MLH3: variants seen among roughly 807,000 people sequenced by gnomAD.
MLH3 encodes mutL homolog 3, also known as DNA mismatch repair protein Mlh3.
A neutral mutation model predicts 122.2 loss-of-function variants in MLH3; 82 were observed. The observed-to-expected ratio is 0.67, with a 90% CI of 0.56 to 0.81. The LOEUF is 0.81. Among genes scored for constraint, MLH3 ranks in the 30% least tolerant of loss-of-function variants. MLH3 has a pLI of 0.00. For synonymous variants in MLH3, 524 were observed against 599.5 expected (o/e 0.87, Z 1.84); for missense variants, 1,539 against 1,714.5 (o/e 0.90, Z 1.81).
intron 7 of MLH3, among the ~76,000 whole-genome samples, chr14:75,033,202 T>C (rs190221007): frequency 1.5e-3 from 231 of 152,244 alleles, no homozygotes; most frequent in African/African-American, 5.3e-3. Flanking sequence ...CTGGCAAATA[T>C]GCCTCTGACC....
intron 5 of MLH3, 140 bp downstream of exon 5, chr14:75,039,771 C>T (rs1471132623): frequency 7.8e-5 from 20 of 255,504 alleles, no homozygotes; most frequent in Non-Finnish European, 1.3e-4. Context: ...CACACACACA[C>T]ACACACACAC....
Position 75,046,890 on chromosome 14 carries a change from T to C in MLH3, c.2766A>G (p.Leu922=). The C allele has an allele frequency of 3.7e-6, 6 of 1,614,088 alleles. No individual in the cohort carries two copies. The highest frequency in any genetic ancestry group is 5.1e-6 in the Non-Finnish European group (6 of 1,180,026). Residue 922 remains leucine, a synonymous_variant, in exon 2 of 13, where the codon TTA becomes TTG. Coordinates refer to ENST00000355774, the MANE Select transcript of MLH3 (RefSeq NM_001040108.2). Reference sequence around the variant, plus strand: ...CTGTTTTTTCATGCTTGTTGTTAAATAACATACAAAAATCTTGTGTTAACA... The same window carrying C: ...CTGTTTTTTCATGCTTGTTGTTAAACAACATACAAAAATCTTGTGTTAACA... The part of the protein sequence containing the change: ...CSVLTQDFCM[L]FNNKHEKTEN...
intron 2 of MLH3, among the ~76,000 whole-genome samples, chr14:75,043,883 A>T (rs175078): frequency 6.6e-6 from 1 of 151,818 alleles, no homozygotes; most frequent in Non-Finnish European, 1.5e-5. Flanking sequence ...TGAGGTTGGG[A>T]GTTTGAGACC....
chr14:75,040,091 C>T, intron 4 of MLH3, 76 bp from the exon 5 acceptor site: 2 of 743,632 alleles, frequency 2.7e-6, no homozygotes, highest in East Asian at 3.2e-5. Flanking sequence ...TATCAGAGTG[C>T]TTTAAAAGCA....
chr14:75,016,929 A>G lies in MLH3; in HGVS notation c.*153T>C. 8.3e-6 allele frequency: 7 copies of G among 838,936 alleles called. No individual in the cohort carries two copies. The allele number at this position is 838,936 out of a possible 1,614,324, so 52.0% of individuals were successfully genotyped here. ...CTCAACTAGGGGAATCATCTGCTCA[A>G]GAAAGACTGATACAGAGAGCCCTGC... On this transcript the variant is annotated 3_prime_UTR_variant, in exon 13 of 13. Coordinates refer to ENST00000355774, the MANE Select transcript of MLH3 (RefSeq NM_001040108.2).
chr14:75,031,292 T>C (rs1891031226), intron 8 of MLH3, among the ~76,000 whole-genome samples: 1 of 152,182 alleles, frequency 6.6e-6, no homozygotes, highest in Admixed American at 6.5e-5. Flanking sequence ...GCCCCTTCCT[T>C]ACATCCCAAT....
Position 75,041,630 on chromosome 14 carries a change from A to G in MLH3, c.3450T>C (p.Phe1150=), listed in dbSNP as rs1205872188. ...ACAGACCCACCTCTGGATAACGGGC[A>G]AATACTGGATTGTCCCATTCTGAGA... ...SLFSEWDNPV[F]ARYPEVAVDV... Residue 1150 remains phenylalanine, a synonymous_variant, in exon 4 of 13, where the codon TTT becomes TTC. Transcript: ENST00000355774. 3 of 1,613,622 alleles carry G rather than the reference A, an allele frequency of 1.9e-6. No homozygotes were observed. In the African/African-American group the frequency reaches 4.0e-5, roughly 22 times the overall value.
chr14:75,025,412 C>T (rs538245346), intron 9 of MLH3, among the ~76,000 whole-genome samples: 48 of 152,354 alleles, frequency 3.2e-4, no homozygotes, highest in African/African-American at 1.1e-3. Context: ...TGACCATTCC[C>T]TCCTTGCTTA....
chr14:75,016,950 C>T lies in MLH3; in HGVS notation c.*132G>A, dbSNP rs562219614. The T allele has an allele frequency of 3.0e-6, 3 of 993,006 alleles. No homozygotes were observed. The African/African-American group carries it at 4.8e-5, about 16-fold the overall frequency. 61.5% of individuals were successfully genotyped at this position (993,006 alleles called of 1,614,324 possible). ...CTCAAGAAAGACTGATACAGAGAGCCCTGCTGTCTAAGCTGCTCAGGGACA... is the reference window on the plus strand; with the variant it reads ...CTCAAGAAAGACTGATACAGAGAGCTCTGCTGTCTAAGCTGCTCAGGGACA... On this transcript the variant is annotated 3_prime_UTR_variant, in exon 13 of 13. Coordinates refer to ENST00000355774, the MANE Select transcript of MLH3 (RefSeq NM_001040108.2).
Position 75,028,668 on chromosome 14 carries a change from T to C in MLH3, c.3987+1875A>G, listed in dbSNP as rs527263386. On this transcript the variant is annotated intron_variant, in intron 9 of 12. Coordinates refer to ENST00000355774, the MANE Select transcript of MLH3 (RefSeq NM_001040108.2). ...CCAGACCTCAAATGATCCGCCCGCC[T>C]TGGCCTCCCAAAATGCTGGGATTAC... Among the ~76,000 whole-genome samples, 234 of 151,418 alleles carry C rather than the reference T, an allele frequency of 1.5e-3. 2 individuals carry two copies. Among genetic ancestry groups the C allele is most frequent in the African/African-American group, 5.4e-3 (222 of 41,344 alleles).
At chr14:75,034,412 C>A (rs887127470) in intron 6 of MLH3, among the ~76,000 whole-genome samples, 1 of 152,090 alleles carries the variant, frequency 6.6e-6, no homozygotes, top group African/African-American at 2.4e-5. Flanking sequence ...AGCCGGAGAA[C>A]GTTTTCTGAA....
intron 2 of MLH3, among the ~76,000 whole-genome samples, chr14:75,045,820 T>C (rs1566601203): frequency 1.1e-4 from 17 of 152,078 alleles, no homozygotes; most frequent in Non-Finnish European, 1.5e-5. Flanking sequence ...TTCTTACACA[T>C]ACACACACCC....
At chr14:75,027,971 A>G (rs1890769534) in intron 9 of MLH3, among the ~76,000 whole-genome samples, 1 of 151,926 alleles carries the variant, frequency 6.6e-6, no homozygotes, top group African/African-American at 2.4e-5. Flanking sequence ...AGTTAAGGCT[A>G]ATCTCTAAAA....
At chr14:75,019,424 A>G (rs1398186943) in intron 11 of MLH3, among the ~76,000 whole-genome samples, 1 of 151,688 alleles carries the variant, frequency 6.6e-6, no homozygotes, top group East Asian at 1.9e-4. Flanking sequence ...AAAAAAAAAA[A>G]AAAAAAAAAA....
rs766153014 is a variant in MLH3, at chr14:75,048,501, A to G, written c.1155T>C (p.Asp385=). 3.7e-6 allele frequency: 6 copies of G among 1,613,238 alleles called. No individual in the cohort carries two copies. The Admixed American group carries it at 6.7e-5, about 18-fold the overall frequency. The change falls in exon 2 of 13, where the codon GAT becomes GAC. Residue 385 remains aspartate, a synonymous_variant. Coordinates refer to ENST00000355774, the MANE Select transcript of MLH3 (RefSeq NM_001040108.2). ...ATGCTTCCTGGAAATTGCTCCTCTCATCGGAAGTCACACGCTTCTGAAGAG... is the reference window on the plus strand; with the variant it reads ...ATGCTTCCTGGAAATTGCTCCTCTCGTCGGAAGTCACACGCTTCTGAAGAG... ...DATLQKRVTS[D]ERSNFQEACN...
chr14:75,049,715 T>C lies in MLH3; in HGVS notation c.-60A>G. On this transcript the variant is annotated 5_prime_UTR_variant, in exon 2 of 13. Transcript: ENST00000355774. ...GGTTTCCTTCTCTGACTGGAAATAA[T>C]TGCCTATTGGAGAAAAAAACCACAC... The C allele has an allele frequency of 6.5e-7, 1 of 1,545,046 alleles. No homozygotes were observed. The highest frequency in any genetic ancestry group is 2.3e-5 in the East Asian group (1 of 43,120).
At chr14:75,042,047 T>C (rs979674543) in intron 3 of MLH3, among the ~76,000 whole-genome samples, 5 of 152,252 alleles carry the variant, frequency 3.3e-5, no homozygotes, top group African/African-American at 1.2e-4. Flanking sequence ...TTGATGTCTG[T>C]AGCTTTTTTT....
In MLH3 at chr14:75,042,370, C is replaced by T. The variant is rs1891913578; in HGVS notation, c.3379+9G>A. ...TACTGTGTGCCCCAGCACTCTCTGC[C>T]ACCCTTACCTCTGTTATCCTGTCTC... On this transcript the variant is annotated intron_variant, in intron 3 of 12. Coordinates refer to ENST00000355774, the MANE Select transcript of MLH3 (RefSeq NM_001040108.2). 1 of 1,612,616 alleles carries T rather than the reference C, an allele frequency of 6.2e-7. No homozygotes were observed. The highest frequency in any genetic ancestry group is 8.5e-7 in the Non-Finnish European group (1 of 1,178,750).
Position 75,026,091 on chromosome 14 carries a change from G to T in MLH3, c.3988-3073C>A, listed in dbSNP as rs911805133. Among the ~76,000 whole-genome samples, 12 of 152,020 alleles carry T rather than the reference G, an allele frequency of 7.9e-5. 1 individual carries two copies. Among genetic ancestry groups the T allele is most frequent in the African/African-American group, 2.7e-4 (11 of 41,362 alleles). The stretch of plus-strand genomic sequence containing the variant: ...CAATAACCCGTCAGCTGCTCTCCCT[G>T]ACTCAAATCTTCCCACATAAATCCA... On this transcript the variant is annotated intron_variant, in intron 9 of 12. Coordinates refer to ENST00000355774, the MANE Select transcript of MLH3 (RefSeq NM_001040108.2).
Sources: gnomAD v4.1 joint callset for allele counts (sites outside exome capture counted in the v4.1 genomes callset) on GRCh38, gnomAD v4.1.1 for gene constraint, MANE v1.5 for transcripts, NCBI Gene and HGNC (gene_info 2026-07-23, HGNC 2026-07-21) for gene names.